ZNF782: variants seen among roughly 807,000 people sequenced by gnomAD.
ZNF782 encodes zinc finger protein 782.
Under a neutral mutation model 13.0 loss-of-function variants are expected in ZNF782, and 12 were observed. The ratio of observed to expected loss-of-function variants is 0.92; its 90% confidence interval spans 0.59 to 1.50. The LOEUF is 1.50. ZNF782 is among the 40% of genes most tolerant of loss of function. The pLI is 0.00. For missense variants in ZNF782, 770 were observed against 822.9 expected (o/e 0.94, Z 0.79); for synonymous variants, 284 against 283.0 (o/e 1.00, Z -0.04).
At chr9:96,860,586 A>G (rs117842983) in intron 2 of ZNF782, among the ~76,000 whole-genome samples, 2,054 of 152,334 alleles carry the variant, frequency 0.013, 32 homozygotes, top group Non-Finnish European at 0.021. Context: ...TTAAAAATGA[A>G]TCCTAAAATG....
chr9:96,873,945 T>C (rs1851859795), intron 1 of ZNF782, among the ~76,000 whole-genome samples: 1 of 152,240 alleles, frequency 6.6e-6, no homozygotes, highest in Non-Finnish European at 1.5e-5. Flanking sequence ...GGGAAAGATT[T>C]GTTGTCTAAC....
At chr9:96,856,662 G>C (rs1851646187), upstream of ZNF782, among the ~76,000 whole-genome samples, 1 of 152,192 alleles carries the variant, frequency 6.6e-6, no homozygotes, top group Admixed American at 6.5e-5. Context: ...AAACCTTCTG[G>C]CCTTCCAAGA....
At chr9:96,892,274 C>A in the ZNF782 span, 3 of 152,184 alleles carry the variant, frequency 2.0e-5, no homozygotes, top group East Asian at 5.8e-4. Context: ...TGGGAACAAC[C>A]GAAATGTGCA....
chr9:96,864,920 C>A (rs1378801914), intron 1 of ZNF782, among the ~76,000 whole-genome samples: 1 of 150,620 alleles, frequency 6.6e-6, no homozygotes, highest in Admixed American at 6.6e-5. Context: ...GTGACATGAG[C>A]CTGTAGTCCC....
intron 4 of ZNF782, among the ~76,000 whole-genome samples, chr9:96,827,491 G>A (rs1023546271): frequency 2.0e-5 from 3 of 152,000 alleles, no homozygotes; most frequent in East Asian, 3.9e-4. Context: ...CACCATACCC[G>A]GCTAATTTTT....
chr9:96,833,918 T>C (rs1011048165), intron 4 of ZNF782, among the ~76,000 whole-genome samples: 4 of 152,220 alleles, frequency 2.6e-5, no homozygotes, highest in African/African-American at 9.6e-5. Flanking sequence ...TGTTGCAATT[T>C]TGGCTACTGG....
Position 96,854,359 on chromosome 9 carries a change from G to A in ZNF782, c.-533C>T, listed in dbSNP as rs1851600395. The A allele has an allele frequency of 6.6e-6, 1 of 152,382 alleles. No homozygotes were observed. The allele number at this position is 152,382 out of a possible 1,614,324, so 9.4% of individuals were successfully genotyped here. On this transcript the variant is annotated 5_prime_UTR_variant, in exon 1 of 6. Transcript: ENST00000481138. Reference sequence around the variant, plus strand: ...GGTCGCATCCACTGACACAGGGGGCGGGGATCCCACAAACTTCCCGCTTCC... The same window carrying A: ...GGTCGCATCCACTGACACAGGGGGCAGGGATCCCACAAACTTCCCGCTTCC...
At chr9:96,844,529 G>A (rs1199192505) in intron 4 of ZNF782, among the ~76,000 whole-genome samples, 1 of 152,094 alleles carries the variant, frequency 6.6e-6, no homozygotes, top group Admixed American at 6.5e-5. Context: ...TTGAGAAAAG[G>A]CAAAATTATT....
At chr9:96,822,276 T>C (rs1850448228) in intron 5 of ZNF782, among the ~76,000 whole-genome samples, 1 of 152,074 alleles carries the variant, frequency 6.6e-6, no homozygotes, top group South Asian at 2.1e-4. Context: ...ATACACAATA[T>C]TATTAAAAAT....
upstream of ZNF782, among the ~76,000 whole-genome samples, chr9:96,855,604 C>G (rs1347526169): frequency 6.6e-6 from 1 of 152,196 alleles, no homozygotes; most frequent in African/African-American, 2.4e-5. Context: ...CTTTTTATGG[C>G]TAAGTAGTAT....
chr9:96,846,648 A>G (rs942528208), intron 3 of ZNF782, among the ~76,000 whole-genome samples: 1 of 152,162 alleles, frequency 6.6e-6, no homozygotes, highest in African/African-American at 2.4e-5. Flanking sequence ...AGATATTACA[A>G]TCCCAAATTT....
the ZNF782 span, among the ~76,000 whole-genome samples, chr9:96,886,235 C>T: frequency 1.4e-5 from 2 of 147,296 alleles, no homozygotes; most frequent in East Asian, 3.9e-4. Flanking sequence ...GAACTGTCAA[C>T]CCAGAATTCT....
At chr9:96,920,805 C>T in the ZNF782 span, among the ~76,000 whole-genome samples, 3 of 150,564 alleles carry the variant, frequency 2.0e-5, no homozygotes, top group East Asian at 2.0e-4. Flanking sequence ...TCCCAGCTTA[C>T]TCAGGAGGCT....
At chr9:96,825,649 C>T (rs1287143858) in intron 5 of ZNF782, among the ~76,000 whole-genome samples, 1 of 152,062 alleles carries the variant, frequency 6.6e-6, no homozygotes, top group Non-Finnish European at 1.5e-5. Context: ...ATTTTCGCAA[C>T]CTACTCATCT....
chr9:96,822,597 C>T (rs1016493106), intron 5 of ZNF782, among the ~76,000 whole-genome samples: 3 of 152,144 alleles, frequency 2.0e-5, no homozygotes, highest in Admixed American at 2.0e-4. Flanking sequence ...TTGCAAGAAC[C>T]GCTTTTGGCT....
chr9:96,896,418 A>G, the ZNF782 span, among the ~76,000 whole-genome samples: 20 of 152,220 alleles, frequency 1.3e-4, no homozygotes, highest in Non-Finnish European at 2.6e-4. Flanking sequence ...AGCAGTAAGA[A>G]GTAGCAACTA....
At chr9:96,915,360 T>C in the ZNF782 span, among the ~76,000 whole-genome samples, 1 of 151,720 alleles carries the variant, frequency 6.6e-6, no homozygotes, top group Non-Finnish European at 1.5e-5. Flanking sequence ...CTGTTGTAAT[T>C]GTGTTTTTGT....
the ZNF782 span, among the ~76,000 whole-genome samples, chr9:96,910,779 G>C: frequency 6.7e-6 from 1 of 148,608 alleles, no homozygotes; most frequent in Non-Finnish European, 1.5e-5. Flanking sequence ...TGGGACTACA[G>C]GCGCCCGCCA....
chr9:96,877,142 T>C (rs1851903181), upstream of ZNF782, among the ~76,000 whole-genome samples: 1 of 152,082 alleles, frequency 6.6e-6, no homozygotes, highest in Non-Finnish European at 1.5e-5. Context: ...ATTATACATA[T>C]TGAGCATGTA....
Sources: gnomAD v4.1 joint callset for allele counts (sites outside exome capture counted in the v4.1 genomes callset) on GRCh38, gnomAD v4.1.1 for gene constraint, MANE v1.5 for transcripts, NCBI Gene and HGNC (gene_info 2026-07-23, HGNC 2026-07-21) for gene names.